The following AMMECR1 variants were observed in gnomAD, a reference collection of about 807,000 sequenced individuals.
AMMECR1 encodes the protein AMMECR nuclear protein 1.
In AMMECR1, 3 loss-of-function variants were observed where a neutral mutation model predicts 22.5. The ratio of observed to expected loss-of-function variants is 0.13; its 90% CI spans 0.06 to 0.35. AMMECR1 has a LOEUF of 0.35. AMMECR1 is among the 10% of genes least tolerant of loss of function. The pLI is 1.00. For missense variants in AMMECR1, 235 were observed against 278.7 expected (o/e 0.84, Z 1.12); for synonymous variants, 130 against 116.7 (o/e 1.11, Z -0.74).
At chrX:110,426,002 GCACACA>G (rs201141674) in intron 2 of AMMECR1, among the ~76,000 whole-genome samples, 4 of 107,492 alleles carry the variant, frequency 3.7e-5, no homozygotes, top group South Asian at 3.9e-4. Context: ...ACACACAAAC[GCACACA>G]CACACACACA....
intron 3 of AMMECR1, among the ~76,000 whole-genome samples, chrX:110,212,762 T>C (rs2067453655): frequency 8.9e-6 from 1 of 112,139 alleles, no homozygotes; most frequent in Non-Finnish European, 1.9e-5. Context: ...TATAATTTAC[T>C]TATATACAAA....
chrX:110,342,040 C>T (rs1424496897), intron 2 of AMMECR1, among the ~76,000 whole-genome samples: 2 of 109,248 alleles, frequency 1.8e-5, no homozygotes, highest in African/African-American at 6.7e-5. Context: ...GCCTGGGTGA[C>T]AGAGTGAGAC....
chrX:110,369,092 G>A (rs1189310022), intron 2 of AMMECR1, among the ~76,000 whole-genome samples: 1 of 111,960 alleles, frequency 8.9e-6, no homozygotes, highest in African/African-American at 3.2e-5. Flanking sequence ...CAGCACTTTG[G>A]GAGGCTGAGG....
In AMMECR1 at chrX:110,337,667, A is replaced by C. The variant is rs771139947; in HGVS notation, c.-147-19818T>G. ...TGTGGGAAACAGTATGGCAGTTCCC[A>C]AAAAAATAAAAAATAGAATTATATG... On this transcript the variant is annotated intron_variant, in intron 2 of 7. Coordinates refer to the AMMECR1 transcript ENST00000372057. Among the ~76,000 whole-genome samples the C allele has an allele frequency of 1.4e-4, 16 of 112,124 alleles. No individual in the cohort carries two copies. The East Asian group carries it at 4.5e-3, about 31-fold the overall frequency.
intron 1 of AMMECR1, among the ~76,000 whole-genome samples, chrX:110,307,870 T>G (rs977691109): frequency 1.2e-5 from 1 of 85,790 alleles, no homozygotes; most frequent in African/African-American, 5.0e-5. Context: ...TTTTCTTTTT[T>G]TTTTTTTTTT....
At chrX:110,322,205 G>A (rs1397091720), upstream of AMMECR1, among the ~76,000 whole-genome samples, 2 of 111,961 alleles carry the variant, frequency 1.8e-5, no homozygotes, top group East Asian at 5.6e-4. Flanking sequence ...ACTCCTTAAT[G>A]AGATTTAGAT....
intron 2 of AMMECR1, among the ~76,000 whole-genome samples, chrX:110,380,870 T>G (rs2068413833): frequency 8.9e-6 from 1 of 112,505 alleles, no homozygotes; most frequent in Admixed American, 9.4e-5. Context: ...CAATAAATGG[T>G]GCTGGGATAA....
At chrX:110,286,316 C>T (rs2067879565) in intron 1 of AMMECR1, among the ~76,000 whole-genome samples, 2 of 110,907 alleles carry the variant, frequency 1.8e-5, no homozygotes, top group Admixed American at 1.9e-4. Flanking sequence ...TACCCTTATA[C>T]AGTCTCTAGT....
At chrX:110,281,035 C>G (rs1185412861) in intron 1 of AMMECR1, among the ~76,000 whole-genome samples, 1 of 111,992 alleles carries the variant, frequency 8.9e-6, no homozygotes, top group East Asian at 2.8e-4. Flanking sequence ...AAAGAAAGTG[C>G]CACTAAAAAG....
At chrX:110,312,437 T>C (rs755512951) in intron 1 of AMMECR1, among the ~76,000 whole-genome samples, 1 of 112,055 alleles carries the variant, frequency 8.9e-6, no homozygotes, top group African/African-American at 3.2e-5. Flanking sequence ...GACTGAGAGA[T>C]TTCAGCAGAG....
At chrX:110,238,083 G>A (rs953896322) in intron 2 of AMMECR1, among the ~76,000 whole-genome samples, 7 of 111,996 alleles carry the variant, frequency 6.3e-5, no homozygotes, top group Non-Finnish European at 1.3e-4. Flanking sequence ...CTTTTGTGTA[G>A]TATGTTAAAA....
chrX:110,337,565 TAA>T (rs747143204), intron 2 of AMMECR1, among the ~76,000 whole-genome samples: 22 of 111,257 alleles, frequency 2.0e-4, no homozygotes, highest in Admixed American at 1.3e-3. Flanking sequence ...AAACAGAAAA[TAA>T]AGAGTATTGG....
intron 2 of AMMECR1, among the ~76,000 whole-genome samples, chrX:110,406,291 G>C (rs1402769642): frequency 1.9e-5 from 2 of 105,907 alleles, no homozygotes; most frequent in Non-Finnish European, 3.9e-5. Context: ...GGTGTGTGAT[G>C]TTCCCCTCTC....
intron 2 of AMMECR1, among the ~76,000 whole-genome samples, chrX:110,418,277 C>T (rs192360410): frequency 8.9e-6 from 1 of 112,326 alleles, no homozygotes; most frequent in East Asian, 2.8e-4. Flanking sequence ...AGAGCAGGTA[C>T]TCTGCCCCAA....
chrX:110,319,313 G>A (rs773909959), upstream of AMMECR1, among the ~76,000 whole-genome samples: 2 of 112,456 alleles, frequency 1.8e-5, no homozygotes, highest in South Asian at 7.4e-4. Context: ...ATAAAGTCAG[G>A]TATCTGCATA....
chrX:110,317,450 G>C, intron 1 of AMMECR1, 149 bp downstream of exon 1: 3 of 971,207 alleles, frequency 3.1e-6, no homozygotes, highest in Non-Finnish European at 2.7e-6. Flanking sequence ...AAAGCGCAGG[G>C]TGCCCTTAGT....
chrX:110,354,925 A>G (rs1050971497), intron 2 of AMMECR1, among the ~76,000 whole-genome samples: 1 of 111,807 alleles, frequency 8.9e-6, no homozygotes, highest in Non-Finnish European at 1.9e-5. Flanking sequence ...GGTCTGGACA[A>G]TGATTTCTTG....
chrX:110,329,994 TGAG>T (rs748373027), intron 2 of AMMECR1, among the ~76,000 whole-genome samples: 2 of 111,927 alleles, frequency 1.8e-5, no homozygotes, highest in African/African-American at 6.5e-5. Context: ...ACTCCTGCTC[TGAG>T]GATGTAAAAC....
At chrX:110,221,989 C>T (rs937098498) in intron 2 of AMMECR1, among the ~76,000 whole-genome samples, 2 of 109,919 alleles carry the variant, frequency 1.8e-5, no homozygotes, top group African/African-American at 6.6e-5. Context: ...CCCTTTTACA[C>T]TGTTGGTGGG....
Sources: allele counts gnomAD v4.1 joint callset (sites outside exome capture counted in the v4.1 genomes callset), GRCh38; gene constraint gnomAD v4.1.1; transcripts MANE v1.5; gene names NCBI Gene and HGNC (gene_info 2026-07-23, HGNC 2026-07-21).